The following ATG10 variants were observed in gnomAD, a reference collection of about 807,000 sequenced individuals.
ATG10 encodes the protein ubiquitin-like-conjugating enzyme ATG10.
Under a neutral mutation model 32.1 loss-of-function variants are expected in ATG10, and 30 were observed. That is an observed-to-expected ratio of 0.94 (90% CI 0.70 to 1.27). The LOEUF is 1.27. Ranked by LOEUF, ATG10 falls within the 50% of genes most tolerant of loss-of-function variation. ATG10 has a pLI of 0.00. For missense variants in ATG10, 233 were observed against 262.3 expected (o/e 0.89, Z 0.77); for synonymous variants, 87 against 91.5 (o/e 0.95, Z 0.28).
chr5:82,008,017 T>C (rs1485079274), intron 2 of ATG10, among the ~76,000 whole-genome samples: 2 of 152,218 alleles, frequency 1.3e-5, no homozygotes, highest in Non-Finnish European at 2.9e-5. Context: ...AAGAATAATA[T>C]TGCTTTATTT....
chr5:82,081,566 G>A (rs1764482402), intron 3 of ATG10, among the ~76,000 whole-genome samples: 1 of 152,186 alleles, frequency 6.6e-6, no homozygotes. Flanking sequence ...TTTTTAGCAT[G>A]AAGGCTGTTG....
intron 5 of ATG10, among the ~76,000 whole-genome samples, chr5:82,252,347 A>G (rs1747287263): frequency 6.6e-6 from 1 of 152,232 alleles, no homozygotes; most frequent in Admixed American, 6.5e-5. Context: ...GCTATACTCG[A>G]CCATACTGCT....
intron 2 of ATG10, among the ~76,000 whole-genome samples, chr5:82,017,807 T>A (rs1288544240): frequency 6.6e-6 from 1 of 152,182 alleles, no homozygotes; most frequent in Non-Finnish European, 1.5e-5. Flanking sequence ...TTGATCATTC[T>A]TTCCTCCTTG....
At chr5:82,005,846 A>T (rs1397197365) in intron 2 of ATG10, among the ~76,000 whole-genome samples, 3 of 152,170 alleles carry the variant, frequency 2.0e-5, no homozygotes, top group African/African-American at 7.2e-5. Flanking sequence ...ATTATATTTT[A>T]TACAATTAAT....
At chr5:81,994,290 C>T (rs1464840324) in intron 2 of ATG10, among the ~76,000 whole-genome samples, 3 of 152,144 alleles carry the variant, frequency 2.0e-5, no homozygotes, top group Non-Finnish European at 4.4e-5. Context: ...TTTCTAGCTT[C>T]ATTGTCTACT....
chr5:82,139,215 G>T (rs996013287), intron 3 of ATG10, among the ~76,000 whole-genome samples: 4 of 146,356 alleles, frequency 2.7e-5, no homozygotes, highest in African/African-American at 7.9e-5. Context: ...CCAGCCGCCT[G>T]CCTTGGCCTC....
chr5:82,238,060 G>A (rs865811251), intron 5 of ATG10, among the ~76,000 whole-genome samples: 4 of 152,160 alleles, frequency 2.6e-5, no homozygotes, highest in South Asian at 2.1e-4. Flanking sequence ...TCTTTCCATC[G>A]ATAGGGCCTC....
chr5:82,224,692 A>G (rs940858644), intron 5 of ATG10, among the ~76,000 whole-genome samples: 1 of 152,120 alleles, frequency 6.6e-6, no homozygotes, highest in African/African-American at 2.4e-5. Context: ...GTTTAAAGGA[A>G]AGCTGTGCTG....
intron 5 of ATG10, among the ~76,000 whole-genome samples, chr5:82,182,142 A>T (rs576207320): frequency 6.6e-6 from 1 of 152,248 alleles, no homozygotes; most frequent in East Asian, 1.9e-4. Flanking sequence ...GGTACCTTCA[A>T]TTTCACTTTA....
chr5:82,250,010 G>T (rs1397750090), intron 5 of ATG10, among the ~76,000 whole-genome samples: 4 of 152,204 alleles, frequency 2.6e-5, no homozygotes, highest in South Asian at 4.1e-4. Flanking sequence ...TGTAACTGTA[G>T]GTTTCATTTC....
At chr5:82,201,454 G>C (rs1296450102) in intron 5 of ATG10, among the ~76,000 whole-genome samples, 1 of 152,048 alleles carries the variant, frequency 6.6e-6, no homozygotes, top group Non-Finnish European at 1.5e-5. Flanking sequence ...AAAATCAATT[G>C]ACCATATTTG....
At chr5:82,177,745 T>A (rs924191119) in intron 4 of ATG10, among the ~76,000 whole-genome samples, 4 of 152,122 alleles carry the variant, frequency 2.6e-5, no homozygotes, top group African/African-American at 4.8e-5. Context: ...AGAGGGATAA[T>A]TGAAACAACT....
At chr5:82,139,399 G>A (rs1382407578) in intron 3 of ATG10, among the ~76,000 whole-genome samples, 1 of 148,338 alleles carries the variant, frequency 6.7e-6, no homozygotes, top group African/African-American at 2.5e-5. Context: ...GAAGTGAGGA[G>A]CGCCTCTTCC....
chr5:82,059,026 G>A (rs530658727), intron 3 of ATG10, among the ~76,000 whole-genome samples: 1 of 152,096 alleles, frequency 6.6e-6, no homozygotes, highest in Non-Finnish European at 1.5e-5. Context: ...CCTAGCCCCA[G>A]GCTGCTTAAT....
At chr5:82,011,828 C>G (rs1762135270) in intron 2 of ATG10, among the ~76,000 whole-genome samples, 1 of 152,146 alleles carries the variant, frequency 6.6e-6, no homozygotes, top group African/African-American at 2.4e-5. Context: ...GCTTGGGTCC[C>G]CTTAGCTTCC....
intron 5 of ATG10, among the ~76,000 whole-genome samples, chr5:82,229,000 C>T (rs1161860522): frequency 6.6e-6 from 1 of 152,200 alleles, no homozygotes; most frequent in Non-Finnish European, 1.5e-5. Context: ...CTTGTGTGGA[C>T]TAACTTAACT....
intron 1 of ATG10, among the ~76,000 whole-genome samples, chr5:81,979,515 G>T (rs549032731): frequency 6.6e-6 from 1 of 151,942 alleles, no homozygotes; most frequent in Non-Finnish European, 1.5e-5. Flanking sequence ...GCAACAGAGC[G>T]ACACTCCGTC....
In ATG10 at chr5:81,999,136, C is replaced by G. The variant is rs538402827; in HGVS notation, c.108+11458C>G. On this transcript the variant is annotated intron_variant, in intron 2 of 7. Transcript: ENST00000282185. ...ACCACACACTCAGACATAAAAAAAT[C>G]CTCAGCCAAAAAAAAAAAAAAAAGC... 3.4e-5 allele frequency among the ~76,000 whole-genome samples: 5 copies of G among 145,984 alleles called. No homozygotes were observed. The South Asian group carries it at 1.1e-3, about 31-fold the overall frequency.
chr5:82,193,185 C>T (rs986805871), intron 5 of ATG10, among the ~76,000 whole-genome samples: 1 of 152,188 alleles, frequency 6.6e-6, no homozygotes, highest in Non-Finnish European at 1.5e-5. Context: ...GGGCCTGTAC[C>T]TAAACCTACA....
Sources: gnomAD v4.1 joint callset for allele counts (sites outside exome capture counted in the v4.1 genomes callset) on GRCh38, gnomAD v4.1.1 for gene constraint, MANE v1.5 for transcripts, NCBI Gene and HGNC (gene_info 2026-07-23, HGNC 2026-07-21) for gene names.